Variants in SCART1 observed in about 807,000 individuals in gnomAD.
The protein encoded by SCART1 is scavenger receptor cysteine-rich domain-containing protein SCART1.
SCART1 carries 62 observed loss-of-function variants against 36.2 expected under a neutral mutation model. The observed-to-expected ratio is 1.71, with a 90% CI of 1.40 to 2.12. The LOEUF (loss-of-function observed/expected upper bound fraction) is 2.12, where lower values mean the gene tolerates loss of function less well. Among genes scored for constraint, SCART1 ranks in the 30% most tolerant of loss-of-function variants. The pLI is 0.00. For synonymous variants in SCART1, 487 were observed against 238.7 expected (o/e 2.04, Z -9.59); for missense variants, 1,041 against 540.5 (o/e 1.93, Z -9.18).
At chr10:133,466,844 T>C (rs1850770419) in intron 10 of SCART1, 1 of 226,896 alleles carries the variant, frequency 4.4e-6, no homozygotes, top group Non-Finnish European at 8.5e-6. Flanking sequence ...AGGGCAGAGT[T>C]GCTTCAGCCT....
chr10:133,454,734 G>A (rs1850587322), intron 1 of SCART1, among the ~76,000 whole-genome samples: 1 of 152,128 alleles, frequency 6.6e-6, no homozygotes, highest in South Asian at 2.1e-4. Context: ...GCTGGTCCAG[G>A]TGCCCAGCAG....
At chr10:133,458,400 C>T (rs1373220384) in exon 4 of SCART1, 20 of 702,244 alleles carry the variant, frequency 2.8e-5, no homozygotes, top group African/African-American at 8.7e-5. Context: ...AGCACCCCTG[C>T]GCCGGGCGCC....
chr10:133,466,884 A>G, intron 10 of SCART1: 1 of 262,930 alleles, frequency 3.8e-6, no homozygotes, highest in Non-Finnish European at 7.2e-6. Context: ...GGCTCATTTT[A>G]TTGGCCAGAG....
exon 9 of SCART1, chr10:133,465,272 G>C: frequency 1.5e-6 from 1 of 689,240 alleles, no homozygotes. Context: ...CTGCGCGTGC[G>C]CGGGGGCGAG....
chr10:133,458,736 C>T (rs1850654609), intron 4 of SCART1, 80 bp downstream of exon 4: 1 of 682,946 alleles, frequency 1.5e-6, no homozygotes. Flanking sequence ...AAAGGTGCCT[C>T]TGGCCAGTAG....
chr10:133,468,314 T>A (rs1196641633), exon 12 of SCART1: 2 of 195,224 alleles, frequency 1.0e-5, no homozygotes, highest in Non-Finnish European at 2.1e-5. Context: ...CAGCAGTGGG[T>A]TGCAGAGCTC....
At chr10:133,460,482 A>ATATATATATATATATATATATATATT (rs1312454143) in intron 6 of SCART1, among the ~76,000 whole-genome samples, 1 of 142,704 alleles carries the variant, frequency 7.0e-6, no homozygotes, top group African/African-American at 2.6e-5. Flanking sequence ...ATATATATAT[A>ATATATATATATATATATATATATATT]TATATATTTA....
chr10:133,465,611 C>A, intron 9 of SCART1, 46 bp downstream of exon 9: 1 of 577,474 alleles, frequency 1.7e-6, no homozygotes, highest in Non-Finnish European at 3.0e-6. Context: ...CGGCAGAGGG[C>A]GCTGGGATGG....
At chr10:133,458,585 T>C (rs1157166227) in exon 4 of SCART1, 4 of 689,928 alleles carry the variant, frequency 5.8e-6, no homozygotes, top group Non-Finnish European at 1.0e-5. Context: ...AACGAGTCGC[T>C]GCTGTTCCAC....
chr10:133,466,473 G>T, intron 10 of SCART1, 92 bp downstream of exon 10: 4 of 647,036 alleles, frequency 6.2e-6, no homozygotes, highest in Non-Finnish European at 8.3e-6. Flanking sequence ...TGGGCAGGCG[G>T]GGTGCCCCAC....
chr10:133,468,006 A>T, exon 12 of SCART1: 2 of 649,648 alleles, frequency 3.1e-6, no homozygotes, highest in Non-Finnish European at 5.7e-6. Context: ...TGGCTGTCGA[A>T]ATCACAGCTC....
chr10:133,458,467 G>A (rs553967503), exon 4 of SCART1: 25 of 694,512 alleles, frequency 3.6e-5, no homozygotes, highest in East Asian at 1.9e-4. Flanking sequence ...CACGGCCCAC[G>A]TGGTGTGCCG....
intron 9 of SCART1, 87 bp from the exon 10 acceptor site, chr10:133,466,148 G>A (rs1049419552): frequency 2.6e-5 from 17 of 653,448 alleles, no homozygotes; most frequent in Non-Finnish European, 1.4e-5. Context: ...GAGAGGGTGT[G>A]GCTGGGCCCT....
intron 7 of SCART1, 90 bp from the exon 8 acceptor site, chr10:133,465,016 G>C (rs1362973984): frequency 2.9e-6 from 2 of 700,136 alleles, no homozygotes; most frequent in South Asian, 3.0e-5. Context: ...TTCAATCAGA[G>C]CCTGGGCCTG....
At chr10:133,459,770 G>A (rs1022073635) in exon 6 of SCART1, 14 of 685,296 alleles carry the variant, frequency 2.0e-5, no homozygotes, top group Admixed American at 1.9e-4. Flanking sequence ...AGGAGCCCGC[G>A]GGGACCTCGC....
At chr10:133,458,390 A>AGCACCCCTGCGCCGG (rs1161715620) in exon 4 of SCART1, 1 of 702,438 alleles carries the variant, frequency 1.4e-6, no homozygotes, top group East Asian at 2.7e-5. Flanking sequence ...GTGGGCGGCG[A>AGCACCCCTGCGCCGG]GCACCCCTGC....
intron 6 of SCART1, among the ~76,000 whole-genome samples, chr10:133,460,496 A>ATATATATATATATATTTTTTTT: frequency 1.5e-5 from 2 of 136,016 alleles, no homozygotes; most frequent in South Asian, 5.4e-4. Flanking sequence ...ATATTTATAT[A>ATATATATATATATATTTTTTTT]TTTTAAAAAA....
chr10:133,464,976 G>A (rs934056377), intron 7 of SCART1, 65 bp downstream of exon 7: 1 of 701,966 alleles, frequency 1.4e-6, no homozygotes, highest in Admixed American at 2.0e-5. Context: ...AGGTTTATCT[G>A]TCCTGACAGG....
At chr10:133,466,261 G>T (rs547846461) in exon 10 of SCART1, 3 of 702,934 alleles carry the variant, frequency 4.3e-6, no homozygotes, top group Non-Finnish European at 7.8e-6. Context: ...CCCACTGCCT[G>T]CAGCTCCCTT....
Sources: gnomAD v4.1 joint callset for allele counts (sites outside exome capture counted in the v4.1 genomes callset) on GRCh38, gnomAD v4.1.1 for gene constraint, MANE v1.5 for transcripts, NCBI Gene and HGNC (gene_info 2026-07-23, HGNC 2026-07-21) for gene names.